Variants in GSTM4 observed in about 807,000 individuals in gnomAD.
GSTM4 encodes glutathione S-transferase mu 4.
In GSTM4, 27 loss-of-function variants were observed where a neutral mutation model predicts 30.1. The observed-to-expected ratio is 0.90, with a 90% CI of 0.66 to 1.24. GSTM4 has a LOEUF of 1.24. Ranked by LOEUF, GSTM4 falls within the 50% of genes most tolerant of loss-of-function variation. GSTM4 has a pLI of 0.00. For missense variants in GSTM4, 238 were observed against 272.1 expected, an observed-to-expected ratio of 0.87 and a Z score of 0.88; for synonymous variants, 94 against 96.2, an observed-to-expected ratio of 0.98 and a Z score of 0.13.
intron 5 of GSTM4, 93 bp downstream of exon 5, chr1:109,657,965 C>T: frequency 1.9e-6 from 2 of 1,049,944 alleles, no homozygotes; most frequent in Middle Eastern, 2.0e-4. Flanking sequence ...TGCTATTGAT[C>T]CTCTGAGGGT....
Position 109,656,713 on chromosome 1 carries a change from T to G in GSTM4, c.38T>G (p.Leu13Arg). The G allele has an allele frequency of 6.2e-7, 1 of 1,613,870 alleles. No individual in the cohort carries two copies. The highest frequency in any genetic ancestry group is 8.5e-7 in the Non-Finnish European group (1 of 1,179,852). ...MTLGYWDIRGLAHAIRLLLEY... is the reference protein window; with the variant it reads ...MTLGYWDIRGRAHAIRLLLEY... ...CGACCTGCGGGCCATCTCTTCCAGC[T>G]GGCCCACGCCATCCGCCTGCTCCTG... The change falls in exon 2 of 8, where the codon CTG (leucine) becomes CGG (arginine). Residue 13 changes from leucine to arginine, a missense_variant and splice_region_variant. Physicochemically the swap from Leu to Arg is moderately radical, Grantham distance 102. Coordinates refer to ENST00000369836, the MANE Select transcript of GSTM4 (RefSeq NM_000850.5).
chr1:109,657,545 AGCCTGCT>A (rs1166684365), intron 3 of GSTM4, 38 bp from the exon 4 acceptor site: 2 of 1,613,556 alleles, frequency 1.2e-6, no homozygotes, highest in African/African-American at 2.7e-5. Context: ...GATGCTGGGG[AGCCTGCT>A]GGCCCAACTG....
downstream of GSTM4, among the ~76,000 whole-genome samples, chr1:109,662,519 C>A (rs1207054956): frequency 6.6e-6 from 1 of 152,174 alleles, no homozygotes; most frequent in Non-Finnish European, 1.5e-5. Context: ...GCAGGGAGAA[C>A]TTATTACAAA....
rs114548867 is a variant in GSTM4 at position 109,659,462 on chromosome 1, C to T, written c.567+352C>T. On this transcript the variant is annotated intron_variant, in intron 7 of 7. Coordinates refer to ENST00000369836, the MANE Select transcript of GSTM4 (RefSeq NM_000850.5). ...TCCCTTTTGTGACAAAAGAAAGAAG[C>T]CTCAGGCCTCATCCAGCCTGGATTT... is the stretch of plus-strand genomic sequence containing the variant. 105 of 1,155,262 alleles carry T rather than the reference C, an allele frequency of 9.1e-5. No homozygotes were observed. The African/African-American group carries it at 1.5e-3, about 17-fold the overall frequency. The allele number at this position is 1,155,262 out of a possible 1,614,324, so 71.6% of individuals were successfully genotyped here. A position where few individuals can be genotyped will look rare whatever the true frequency, so the allele number is the denominator to read the frequency against.
Position 109,656,712 on chromosome 1 carries a change from C to G in GSTM4, c.37C>G (p.Leu13Val). The part of the protein sequence containing the change: ...MTLGYWDIRG[L>V]AHAIRLLLEY... ...ACGACCTGCGGGCCATCTCTTCCAG[C>G]TGGCCCACGCCATCCGCCTGCTCCT... The change falls in exon 2 of 8, where the codon CTG becomes GTG. Residue 13 changes from leucine (L) to valine (V), a missense_variant and splice_region_variant. Transcript: ENST00000369836. The G allele has an allele frequency of 1.2e-6, 2 of 1,613,698 alleles. No homozygotes were observed. The highest frequency in any genetic ancestry group is 1.7e-6 in the Non-Finnish European group (2 of 1,179,652).
downstream of GSTM4, among the ~76,000 whole-genome samples, chr1:109,662,773 CTGTCA>C (rs1652360275): frequency 6.6e-6 from 1 of 152,188 alleles, no homozygotes; most frequent in Admixed American, 6.5e-5. Context: ...GTAACTGGAA[CTGTCA>C]TGCATTGCTG....
In GSTM4 at chr1:109,657,579, C is replaced by T; in HGVS notation, c.178-11C>T. Reference sequence around the variant, plus strand: ...GCCCAACTGAGCTTCCCCGGTTTCCCATCTATCCAGCTGCCCTACTTGATT... The same window carrying T: ...GCCCAACTGAGCTTCCCCGGTTTCCTATCTATCCAGCTGCCCTACTTGATT... On this transcript the variant is annotated splice_polypyrimidine_tract_variant and intron_variant, in intron 3 of 7. Transcript: ENST00000369836. 6.2e-7 allele frequency: 1 copy of T among 1,614,214 alleles called. No homozygotes were observed. Among genetic ancestry groups the T allele is most frequent in the Non-Finnish European group, 8.5e-7 (1 of 1,180,026 alleles).
chr1:109,658,846 T>C lies in GSTM4; in HGVS notation c.393T>C (p.Leu131=), dbSNP rs755625369. The C allele has an allele frequency of 3.1e-6, 5 of 1,614,098 alleles. No individual in the cohort carries two copies. The Admixed American group carries it at 8.3e-5, about 27-fold the overall frequency. The change falls in exon 6 of 8, where the codon CTT becomes CTC. Residue 131 remains leucine (L), a synonymous_variant. Transcript: ENST00000369836. ...EKLKPEYLEE[L]PTMMQHFSQF... ...TGAAGCCAGAATACTTGGAGGAACTTCCTACAATGATGCAGCACTTCTCAC... is the reference window on the plus strand; with the variant it reads ...TGAAGCCAGAATACTTGGAGGAACTCCCTACAATGATGCAGCACTTCTCAC...
chr1:109,658,830 A>T lies in GSTM4; in HGVS notation c.377A>T (p.Glu126Val). Residue 126 changes from glutamate to valine, a missense_variant, in exon 6 of 8, where the codon GAA (glutamate) becomes GTA (valine). Transcript: ENST00000369836. ...YSPDFEKLKP[E>V]YLEELPTMMQ... ...CTGCCTCAGGAGAAACTGAAGCCAGAATACTTGGAGGAACTTCCTACAATG... is the reference window on the plus strand; with the variant it reads ...CTGCCTCAGGAGAAACTGAAGCCAGTATACTTGGAGGAACTTCCTACAATG... 2 of 1,613,658 alleles carry T rather than the reference A, an allele frequency of 1.2e-6. No individual in the cohort carries two copies. The highest frequency in any genetic ancestry group is 1.7e-6 in the Non-Finnish European group (2 of 1,179,536).
chr1:109,657,342 C>G (rs965664624), intron 3 of GSTM4, 63 bp downstream of exon 3: 6 of 1,592,382 alleles, frequency 3.8e-6, no homozygotes, highest in Non-Finnish European at 4.3e-6. Context: ...TGCATCTCCT[C>G]TCCCCAGATT....
At chr1:109,664,941 G>A, downstream of GSTM4, 1 of 1,583,042 alleles carries the variant, frequency 6.3e-7, no homozygotes, top group South Asian at 1.1e-5. Flanking sequence ...AAAGGTTAAA[G>A]AATGATCTTG....
downstream of GSTM4, chr1:109,665,401 A>G: frequency 3.7e-6 from 1 of 267,116 alleles, no homozygotes; most frequent in African/African-American, 2.2e-5. Flanking sequence ...TCTATCCTGC[A>G]GTCGGCAGAT....
At chr1:109,663,592 G>A (rs770919984), downstream of GSTM4, among the ~76,000 whole-genome samples, 4 of 152,014 alleles carry the variant, frequency 2.6e-5, no homozygotes, top group Admixed American at 6.5e-5. Flanking sequence ...TTGAACCCAG[G>A]AGGCAGAGGT....
At chr1:109,659,808 T>G in intron 7 of GSTM4, 1 of 595,716 alleles carries the variant, frequency 1.7e-6, no homozygotes, top group Non-Finnish European at 3.0e-6. Context: ...GTGTTCCCCC[T>G]GTGAGATGAG....
In GSTM4 at chr1:109,661,555, G is replaced by A. The variant is rs1443214321; in HGVS notation, c.*301G>A. The A allele has an allele frequency of 8.5e-6, 11 of 1,299,790 alleles. No individual in the cohort carries two copies. The highest frequency in any genetic ancestry group is 3.1e-4 in the Middle Eastern group (1 of 3,244). The allele number at this position is 1,299,790 out of a possible 1,614,324, so 80.5% of individuals were successfully genotyped here. Reference sequence around the variant, plus strand: ...TCCTGTTAGTGGTTGTATCTGCTTTGAAGGGCCTACCTGGCCCCTCGCCTG... The same window carrying A: ...TCCTGTTAGTGGTTGTATCTGCTTTAAAGGGCCTACCTGGCCCCTCGCCTG... On this transcript the variant is annotated 3_prime_UTR_variant, in exon 8 of 8. Coordinates refer to ENST00000369836, the MANE Select transcript of GSTM4 (RefSeq NM_000850.5).
At position 109,657,077 on chromosome 1, in the gene GSTM4, C is replaced by T. The variant is rs1199368334; in HGVS notation, c.113-138C>T. Reference sequence around the variant, plus strand: ...TCAGCGGGATTCTTTGTCCCTGAACCCTGGGATGTGGGACTGAGTGGTCAG... The same window carrying T: ...TCAGCGGGATTCTTTGTCCCTGAACTCTGGGATGTGGGACTGAGTGGTCAG... On this transcript the variant is annotated intron_variant, in intron 2 of 7. Coordinates refer to ENST00000369836, the MANE Select transcript of GSTM4 (RefSeq NM_000850.5). 6.8e-6 allele frequency: 6 copies of T among 880,914 alleles called. No individual in the cohort carries two copies. In the Admixed American group the frequency reaches 1.2e-4, roughly 17 times the overall value. The allele number at this position is 880,914 out of a possible 1,614,324, so 54.6% of individuals were successfully genotyped here. A position where few individuals can be genotyped will look rare whatever the true frequency, so the allele number is the denominator to read the frequency against.
chr1:109,665,953 A>G (rs1482853730), downstream of GSTM4, among the ~76,000 whole-genome samples: 1 of 152,156 alleles, frequency 6.6e-6, no homozygotes, highest in Non-Finnish European at 1.5e-5. Flanking sequence ...GGTGCTTATT[A>G]TATATTCGAC....
chr1:109,658,791 G>T (rs139999893), intron 5 of GSTM4, 23 bp from the exon 6 acceptor site: 11 of 1,556,540 alleles, frequency 7.1e-6, no homozygotes, highest in Non-Finnish European at 8.9e-6. Flanking sequence ...TCTGAGGGTG[G>T]TGACAGCTGT....
downstream of GSTM4, among the ~76,000 whole-genome samples, chr1:109,667,512 A>G (rs764057505): frequency 3.3e-5 from 5 of 152,056 alleles, no homozygotes; most frequent in Non-Finnish European, 7.4e-5. Flanking sequence ...CACTTATGAC[A>G]AAAACATCAT....
Sources: allele counts gnomAD v4.1 joint callset (sites outside exome capture counted in the v4.1 genomes callset), GRCh38; gene constraint gnomAD v4.1.1; transcripts MANE v1.5; gene names NCBI Gene and HGNC (gene_info 2026-07-23, HGNC 2026-07-21).